Variants in NOX4 observed in about 807,000 individuals in gnomAD.
NOX4 encodes the protein NADPH oxidase 4.
Under a neutral mutation model 87.6 loss-of-function variants are expected in NOX4, and 69 were observed. That is an observed-to-expected ratio of 0.79 (90% confidence interval 0.65 to 0.96). The LOEUF (loss-of-function observed/expected upper bound fraction) is 0.96. Ranked by LOEUF, NOX4 falls within the 40% of genes least tolerant of loss-of-function variation. The probability of loss-of-function intolerance (pLI) is 0.00; values close to 1 mark genes in which losing one functional copy is unlikely to be tolerated. For synonymous variants in NOX4, 275 were observed against 238.2 expected (o/e 1.15, Z -1.42); for missense variants, 680 against 681.5 (o/e 1.00, Z 0.02).
intron 4 of NOX4, 69 bp downstream of exon 4, chr11:89,449,371 T>C (rs1289484086): frequency 1.2e-5 from 14 of 1,160,072 alleles, no homozygotes; most frequent in Non-Finnish European, 1.6e-5. Context: ...TCATTCTGTG[T>C]ATGTCTGGAA....
At chr11:89,474,209 A>G (rs1188051891) in intron 2 of NOX4, among the ~76,000 whole-genome samples, 1 of 152,122 alleles carries the variant, frequency 6.6e-6, no homozygotes, top group South Asian at 2.1e-4. Context: ...CTTTTCTCCA[A>G]TTGACAATCA....
chr11:89,537,065 T>G, the NOX4 span, among the ~76,000 whole-genome samples: 1 of 152,182 alleles, frequency 6.6e-6, no homozygotes, highest in Non-Finnish European at 1.5e-5. Flanking sequence ...GTGTGAAATT[T>G]TTGACTGAAA....
chr11:89,507,899 G>C, the NOX4 span, among the ~76,000 whole-genome samples: 5 of 151,282 alleles, frequency 3.3e-5, no homozygotes, highest in African/African-American at 1.2e-4. Context: ...TCATTTAAAG[G>C]TCAAAGCATC....
the NOX4 span, among the ~76,000 whole-genome samples, chr11:89,556,485 T>C: frequency 6.6e-6 from 1 of 151,258 alleles, no homozygotes; most frequent in Non-Finnish European, 1.5e-5. Flanking sequence ...ATCACACCAC[T>C]TCATTCCAGC....
chr11:89,384,116 A>T (rs549966833), intron 11 of NOX4, among the ~76,000 whole-genome samples: 4 of 152,266 alleles, frequency 2.6e-5, no homozygotes, highest in South Asian at 2.1e-4. Flanking sequence ...TTAGTTCAGG[A>T]TCTGTGCGTT....
the NOX4 span, among the ~76,000 whole-genome samples, chr11:89,533,080 A>T: frequency 6.6e-6 from 1 of 152,216 alleles, no homozygotes; most frequent in Non-Finnish European, 1.5e-5. Context: ...AGACAATTTT[A>T]AAAAACAGAG....
chr11:89,357,639 G>T (rs1468439540), intron 12 of NOX4, among the ~76,000 whole-genome samples: 2 of 151,980 alleles, frequency 1.3e-5, no homozygotes, highest in African/African-American at 4.8e-5. Flanking sequence ...TACATATCAG[G>T]TAAAGAACCG....
upstream of NOX4, chr11:89,498,651 T>C (rs1411345254): frequency 6.6e-6 from 1 of 152,158 alleles, no homozygotes; most frequent in Non-Finnish European, 1.5e-5. Context: ...GAATGACTAA[T>C]AATAGGAAGA....
intron 13 of NOX4, among the ~76,000 whole-genome samples, chr11:89,347,503 T>G (rs1946268274): frequency 6.6e-6 from 1 of 152,196 alleles, no homozygotes; most frequent in African/African-American, 2.4e-5. Flanking sequence ...TGTCATGCAT[T>G]GGGCATTCCT....
At chr11:89,479,824 G>A (rs1464016716) in intron 2 of NOX4, among the ~76,000 whole-genome samples, 2 of 152,030 alleles carry the variant, frequency 1.3e-5, no homozygotes, top group African/African-American at 4.8e-5. Context: ...CGCATTGCTC[G>A]GGTTTTATTA....
At position 89,334,078 on chromosome 11, in the gene NOX4, T is replaced by G. The variant is rs200839562; in HGVS notation, c.1616+1767A>C. On this transcript the variant is annotated intron_variant, in intron 17 of 17. Transcript: ENST00000263317. ...ATCTATTTCCCTGTAAATAATCTGC[T>G]CTTTAGGGATTTGGTTTCTGAATTC... is the stretch of plus-strand genomic sequence containing the variant. Among the ~76,000 whole-genome samples, 8 of 151,878 alleles carry G rather than the reference T, an allele frequency of 5.3e-5. No homozygotes were observed. The East Asian group carries it at 1.4e-3, about 26-fold the overall frequency.
chr11:89,540,686 G>T, the NOX4 span, among the ~76,000 whole-genome samples: 2 of 150,822 alleles, frequency 1.3e-5, no homozygotes, highest in Non-Finnish European at 2.9e-5. Context: ...TACTCGGGAG[G>T]CTGAGGCAGG....
intron 13 of NOX4, among the ~76,000 whole-genome samples, chr11:89,349,684 A>G (rs2134952927): frequency 6.6e-6 from 1 of 152,356 alleles, no homozygotes; most frequent in South Asian, 2.1e-4. Context: ...TTCCGATATT[A>G]GGAAGCTCAG....
the NOX4 span, among the ~76,000 whole-genome samples, chr11:89,503,612 C>T: frequency 3.0e-3 from 451 of 151,628 alleles, 3 homozygotes; most frequent in African/African-American, 9.7e-3. Context: ...GCAGTGAATT[C>T]GGAGTTGGAA....
At chr11:89,399,062 G>T (rs1565238310) in intron 11 of NOX4, among the ~76,000 whole-genome samples, 1 of 151,806 alleles carries the variant, frequency 6.6e-6, no homozygotes, top group Non-Finnish European at 1.5e-5. Context: ...TTTTAAGTTT[G>T]TATTTTATTT....
chr11:89,346,097 T>C (rs1195951742), intron 13 of NOX4, among the ~76,000 whole-genome samples: 2 of 152,154 alleles, frequency 1.3e-5, no homozygotes, highest in Non-Finnish European at 2.9e-5. Context: ...GTATACAAAG[T>C]CAATGCACAA....
chr11:89,393,839 T>C (rs997315259), intron 11 of NOX4, among the ~76,000 whole-genome samples: 16 of 152,296 alleles, frequency 1.1e-4, no homozygotes, highest in South Asian at 2.1e-4. Flanking sequence ...GGATCTGGAA[T>C]TGAGTTCTAA....
chr11:89,396,488 C>T (rs1262815490), intron 11 of NOX4, among the ~76,000 whole-genome samples: 1 of 151,854 alleles, frequency 6.6e-6, no homozygotes, highest in Non-Finnish European at 1.5e-5. Context: ...TAACTGAATA[C>T]CCTTTAAGTG....
intron 8 of NOX4, 38 bp downstream of exon 8, chr11:89,421,864 G>C (rs528561690): frequency 7.9e-7 from 1 of 1,258,930 alleles, no homozygotes; most frequent in African/African-American, 1.6e-5. Context: ...CCATTTTGGG[G>C]CACAAATGGT....
Sources: gnomAD v4.1 joint callset for allele counts (sites outside exome capture counted in the v4.1 genomes callset) on GRCh38, gnomAD v4.1.1 for gene constraint, MANE v1.5 for transcripts, NCBI Gene and HGNC (gene_info 2026-07-23, HGNC 2026-07-21) for gene names.